CWC22: variants seen among roughly 807,000 people sequenced by gnomAD.
CWC22 encodes the protein CWC22 spliceosome associated protein, also known as pre-mRNA-splicing factor CWC22 homolog.
Under a neutral mutation model 117.2 loss-of-function variants are expected in CWC22, and 53 were observed. That is an observed-to-expected ratio of 0.45 (90% confidence interval 0.36 to 0.57). CWC22 has a LOEUF of 0.57. Ranked by LOEUF, CWC22 falls within the 20% of genes least tolerant of loss-of-function variation. The pLI is 0.00. For synonymous variants in CWC22, 360 were observed against 355.6 expected, an observed-to-expected ratio of 1.01 and a Z score of -0.14; for missense variants, 980 against 1,068.8, an observed-to-expected ratio of 0.92 and a Z score of 1.16.
chr2:179,980,464 C>T (rs1319760633), intron 5 of CWC22, among the ~76,000 whole-genome samples: 1 of 144,642 alleles, frequency 6.9e-6, no homozygotes, highest in Non-Finnish European at 1.5e-5. Context: ...GTTGCCCAGG[C>T]TGGAGTGCAG....
At chr2:179,957,014 A>C (rs913742736) in intron 14 of CWC22, among the ~76,000 whole-genome samples, 1 of 152,152 alleles carries the variant, frequency 6.6e-6, no homozygotes, top group Non-Finnish European at 1.5e-5. Context: ...GTACATGAAA[A>C]TAAATGTACT....
rs568132401 is a variant in CWC22 at position 179,999,273 on chromosome 2, T to C, written c.-113-5819A>G. 2.0e-4 allele frequency among the ~76,000 whole-genome samples: 31 copies of C among 152,288 alleles called. No individual in the cohort carries two copies. The South Asian group carries it at 6.4e-3, about 32-fold the overall frequency. On this transcript the variant is annotated intron_variant, in intron 1 of 19. Coordinates refer to ENST00000410053, the MANE Select transcript of CWC22 (RefSeq NM_020943.3). ...ATGAGAGCAATTTATCTAGAGTTTATAGCACTCTCTGCTCTTCTAAGCATC... is the reference window on the plus strand; with the variant it reads ...ATGAGAGCAATTTATCTAGAGTTTACAGCACTCTCTGCTCTTCTAAGCATC...
At chr2:179,993,525 T>C in intron 1 of CWC22, 71 bp from the exon 2 acceptor site, 2 of 546,708 alleles carry the variant, frequency 3.7e-6, no homozygotes, top group South Asian at 5.2e-5. Flanking sequence ...ATTTTTTCTA[T>C]ACAATGGACA....
intron 5 of CWC22, among the ~76,000 whole-genome samples, chr2:179,980,390 T>C (rs904655353): frequency 1.3e-5 from 2 of 151,692 alleles, no homozygotes; most frequent in South Asian, 2.1e-4. Flanking sequence ...CAAATCTTCA[T>C]AGCTTCTTTT....
intron 1 of CWC22, among the ~76,000 whole-genome samples, chr2:179,998,143 T>G (rs966775815): frequency 2.0e-5 from 3 of 152,198 alleles, no homozygotes; most frequent in Admixed American, 2.0e-4. Context: ...TTTTCAATTT[T>G]ACATAAGAAA....
At chr2:179,959,954 T>G (rs750265588) in intron 13 of CWC22, among the ~76,000 whole-genome samples, 5 of 152,054 alleles carry the variant, frequency 3.3e-5, no homozygotes, top group Non-Finnish European at 7.4e-5. Context: ...TTGTATTACT[T>G]TCTCAAACCA....
rs1283911295 is a variant in CWC22 at position 179,973,692 on chromosome 2, T to G, written c.692A>C (p.Glu231Ala). 2 of 1,611,408 alleles carry G rather than the reference T, an allele frequency of 1.2e-6. No homozygotes were observed. Among genetic ancestry groups the G allele is most frequent in the Non-Finnish European group, 1.7e-6 (2 of 1,178,098 alleles). ...AAGAATTAACCTTTTGAGGATTAAT[T>G]CTCCAATTTGTGGAAATTTTGAGTT... ...IINSKFPQIGELILKRLILNF... is the reference protein window; with the variant it reads ...IINSKFPQIGALILKRLILNF... Residue 231 changes from glutamate (E) to alanine (A), a missense_variant, in exon 7 of 20, where the codon GAA (glutamate) becomes GCA (alanine). Coordinates refer to ENST00000410053, the MANE Select transcript of CWC22 (RefSeq NM_020943.3).
intron 1 of CWC22, among the ~76,000 whole-genome samples, chr2:179,996,716 C>T (rs889229359): frequency 7.3e-5 from 11 of 151,648 alleles, no homozygotes; most frequent in Non-Finnish European, 1.6e-4. Context: ...GAACTGTACA[C>T]TTAAACACGG....
intron 14 of CWC22, among the ~76,000 whole-genome samples, chr2:179,958,063 G>A (rs1032097858): frequency 2.6e-5 from 4 of 152,036 alleles, no homozygotes; most frequent in Non-Finnish European, 5.9e-5. Context: ...GGGAGTGGTG[G>A]CTCACGCCTG....
intron 2 of CWC22, among the ~76,000 whole-genome samples, chr2:179,990,697 GC>G (rs1229120908): frequency 6.6e-6 from 1 of 152,072 alleles, no homozygotes; most frequent in Non-Finnish European, 1.5e-5. Context: ...TAAGGAGAAG[GC>G]CCCAATTCTG....
At chr2:179,952,215 G>C (rs187074337) in intron 17 of CWC22, among the ~76,000 whole-genome samples, 308 of 152,166 alleles carry the variant, frequency 2.0e-3, no homozygotes, top group Non-Finnish European at 4.0e-3. Context: ...ATTCAAGTGA[G>C]CATACAAAAA....
At chr2:179,990,529 T>C (rs1457440866) in intron 2 of CWC22, among the ~76,000 whole-genome samples, 2 of 107,082 alleles carry the variant, frequency 1.9e-5, no homozygotes, top group African/African-American at 3.8e-5. Context: ...AGAATGAGAG[T>C]GAGTGAGTGA....
chr2:179,963,335 C>CTTTTTTTTTTTTTTTTTT (rs774947016), intron 13 of CWC22, among the ~76,000 whole-genome samples: 1 of 82,056 alleles, frequency 1.2e-5, no homozygotes, highest in East Asian at 4.3e-4. Flanking sequence ...ATATTTAATA[C>CTTTTTTTTTTTTTTTTTT]TTTTTTTTTT....
chr2:179,966,001 G>A lies in CWC22; in HGVS notation c.1211-19C>T, dbSNP rs747511144. 5 of 1,586,380 alleles carry A rather than the reference G, an allele frequency of 3.2e-6. No individual in the cohort carries two copies. The Admixed American group carries it at 7.2e-5, about 23-fold the overall frequency. ...AGAATTTCTGTAAAGTACAAAGTAAGTTTAGGAAAAAAATGTGCAAGTCAT... is the reference window on the plus strand; with the variant it reads ...AGAATTTCTGTAAAGTACAAAGTAAATTTAGGAAAAAAATGTGCAAGTCAT... On this transcript the variant is annotated intron_variant, in intron 11 of 19. Transcript: ENST00000410053.
chr2:179,953,999 A>T (rs1322697424), intron 16 of CWC22, among the ~76,000 whole-genome samples: 1 of 152,176 alleles, frequency 6.6e-6, no homozygotes, highest in East Asian at 1.9e-4. Context: ...TGGACTGTTA[A>T]TATAATACAA....
At chr2:179,957,466 C>A (rs573948369) in intron 14 of CWC22, among the ~76,000 whole-genome samples, 17 of 152,256 alleles carry the variant, frequency 1.1e-4, no homozygotes, top group African/African-American at 4.1e-4. Context: ...ACTTATTCTG[C>A]GGCTGTGGTG....
chr2:179,953,239 C>T (rs1439925373), intron 16 of CWC22, among the ~76,000 whole-genome samples: 1 of 151,962 alleles, frequency 6.6e-6, no homozygotes, highest in Non-Finnish European at 1.5e-5. Context: ...GGTTAGATTA[C>T]GAATGCCTAT....
intron 1 of CWC22, among the ~76,000 whole-genome samples, chr2:179,997,171 G>GTA (rs1687725683): frequency 6.6e-6 from 1 of 151,770 alleles, no homozygotes; most frequent in Non-Finnish European, 1.5e-5. Context: ...TGTAGCCAGA[G>GTA]TATATATATG....
At chr2:180,001,187 T>G (rs543645723) in intron 1 of CWC22, among the ~76,000 whole-genome samples, 1 of 152,202 alleles carries the variant, frequency 6.6e-6, no homozygotes, top group Non-Finnish European at 1.5e-5. Context: ...TGTTGAACTT[T>G]TTAATGATTC....
Sources: allele counts gnomAD v4.1 joint callset (sites outside exome capture counted in the v4.1 genomes callset), GRCh38; gene constraint gnomAD v4.1.1; transcripts MANE v1.5; gene names NCBI Gene and HGNC (gene_info 2026-07-23, HGNC 2026-07-21).